KLF15: variants seen among roughly 807,000 people sequenced by gnomAD.
KLF15 encodes the protein Krueppel-like factor 15.
KLF15 carries 4 observed loss-of-function variants against 24.6 expected under a neutral mutation model. The observed-to-expected ratio is 0.16, with a 90% CI of 0.08 to 0.37. The LOEUF is 0.37. KLF15 is among the 10% of genes least tolerant of loss of function. The pLI is 1.00. For synonymous variants in KLF15, 246 were observed against 236.3 expected, an observed-to-expected ratio of 1.04 and a Z score of -0.37; for missense variants, 496 against 560.6, an observed-to-expected ratio of 0.88 and a Z score of 1.16.
chr3:126,345,855 A>AGGAGGG (rs2082531822), intron 2 of KLF15, among the ~76,000 whole-genome samples: 1 of 152,228 alleles, frequency 6.6e-6, no homozygotes, highest in South Asian at 2.1e-4. Context: ...TGGTGGTGGC[A>AGGAGGG]CCAGGCACAG....
At position 126,352,445 on chromosome 3, in the gene KLF15, G is replaced by A; in HGVS notation, c.478C>T (p.Pro160Ser). The change falls in exon 2 of 3, where the codon CCT becomes TCT. Residue 160 changes from proline (P) to serine (S), a missense_variant. Physicochemically the swap from Pro to Ser is moderately conservative, Grantham distance 74. This residue lies in a region of KLF15 where 399 missense variants were observed against 423.1 expected (regional missense o/e 0.94). Coordinates refer to ENST00000296233, the MANE Select transcript of KLF15 (RefSeq NM_014079.4). ...ENMEPGVKEVPEGNSKDLDAC... is the reference protein window; with the variant it reads ...ENMEPGVKEVSEGNSKDLDAC... ...TCCAAGTCCTTGCTGTTGCCCTCAG[G>A]GACCTCCTTGACTCCAGGCTCCATG... The A allele has an allele frequency of 1.2e-6, 2 of 1,613,590 alleles. No individual in the cohort carries two copies. Among genetic ancestry groups the A allele is most frequent in the Non-Finnish European group, 1.7e-6 (2 of 1,180,010 alleles).
the KLF15 span, among the ~76,000 whole-genome samples, chr3:126,307,775 C>G: frequency 6.6e-6 from 1 of 152,222 alleles, no homozygotes; most frequent in Admixed American, 6.5e-5. Flanking sequence ...GAGCCATCCC[C>G]TCGGCCTGGG....
Position 126,343,389 on chromosome 3 carries a change from C to G in KLF15, c.*338G>C, listed in dbSNP as rs2082498188. 1 of 307,330 alleles carries G rather than the reference C, an allele frequency of 3.3e-6. No homozygotes were observed. Among genetic ancestry groups the G allele is most frequent in the Non-Finnish European group, 6.0e-6 (1 of 167,082 alleles). The allele number at this position is 307,330 out of a possible 1,614,324, so 19.0% of individuals were successfully genotyped here. On this transcript the variant is annotated 3_prime_UTR_variant, in exon 3 of 3. Coordinates refer to ENST00000296233, the MANE Select transcript of KLF15 (RefSeq NM_014079.4). ...GGCCTTGGCCCAGGATGGGGGAGCC[C>G]AGTGGGAGAAGGGCCAGGTCCCCAA...
chr3:126,316,447 G>GAAGGGATACTATGGGCCGGAGTGGGA, the KLF15 span, among the ~76,000 whole-genome samples: 1 of 151,210 alleles, frequency 6.6e-6, no homozygotes, highest in Non-Finnish European at 1.5e-5. Flanking sequence ...CCTGAGTGGG[G>GAAGGGATACTATGGGCCGGAGTGGGA]AAGGGAGTCT....
chr3:126,343,780 T>C lies in KLF15; in HGVS notation c.1198A>G (p.Ile400Val). ...CTCCGCGGGAAGCGGTGCACCTTGA[T>C]GTGCTTGGAGAGGTGGTCGCTCCGC... ...FARSDHLSKH[I>V]KVHRFPRSSR... is the part of the protein sequence containing the mutation. Residue 400 changes from isoleucine (I) to valine (V), a missense_variant, in exon 3 of 3, where the codon ATC becomes GTC. Around this residue, in one of 3 missense-constraint regions of KLF15, gnomAD observed 38 missense variants for 31.5 expected, o/e 1.21. Coordinates refer to ENST00000296233, the MANE Select transcript of KLF15 (RefSeq NM_014079.4). 2 of 1,612,130 alleles carry C rather than the reference T, an allele frequency of 1.2e-6. No homozygotes were observed. The highest frequency in any genetic ancestry group is 1.7e-6 in the Non-Finnish European group (2 of 1,179,924).
chr3:126,294,636 C>T, the KLF15 span, among the ~76,000 whole-genome samples: 7 of 152,124 alleles, frequency 4.6e-5, no homozygotes, highest in South Asian at 4.2e-4. Flanking sequence ...GCAGGCTGAC[C>T]CTTGGTTGCA....
chr3:126,314,711 G>A, the KLF15 span, among the ~76,000 whole-genome samples: 1 of 152,220 alleles, frequency 6.6e-6, no homozygotes, highest in Non-Finnish European at 1.5e-5. Context: ...CAGAACAGAG[G>A]CGAAGTCCAG....
the KLF15 span, among the ~76,000 whole-genome samples, chr3:126,294,788 C>A: frequency 6.6e-6 from 1 of 151,798 alleles, no homozygotes. Context: ...TTTGCCCTGC[C>A]GCTAGGAAGA....
At chr3:126,324,806 C>CTTTTT in the KLF15 span, among the ~76,000 whole-genome samples, 1 of 59,580 alleles carries the variant, frequency 1.7e-5, no homozygotes, top group African/African-American at 7.2e-5. Context: ...TTTTTTCGCT[C>CTTTTT]TTTTTTTTTT....
chr3:126,289,959 G>GCAAATTTCT, the KLF15 span, among the ~76,000 whole-genome samples: 1 of 152,172 alleles, frequency 6.6e-6, no homozygotes, highest in Non-Finnish European at 1.5e-5. Context: ...GAATCCAAAT[G>GCAAATTTCT]TTGCAAAAGA....
chr3:126,326,297 C>CT, the KLF15 span, among the ~76,000 whole-genome samples: 2 of 146,264 alleles, frequency 1.4e-5, no homozygotes, highest in African/African-American at 5.1e-5. Context: ...AATGCGGGCT[C>CT]TTTTTTGGTT....
the KLF15 span, among the ~76,000 whole-genome samples, chr3:126,309,707 G>A: frequency 6.6e-6 from 1 of 152,184 alleles, no homozygotes. Flanking sequence ...GAAATGGCTG[G>A]TTCTGGGACT....
chr3:126,347,209 A>T (rs1395199083), intron 2 of KLF15, among the ~76,000 whole-genome samples: 1 of 152,118 alleles, frequency 6.6e-6, no homozygotes. Context: ...CTTCCTTGAG[A>T]CACTAACCCT....
At chr3:126,294,864 T>TACACACACAC in the KLF15 span, among the ~76,000 whole-genome samples, 14 of 141,968 alleles carry the variant, frequency 9.9e-5, no homozygotes, top group South Asian at 4.6e-4. Context: ...TGCCCCTCCA[T>TACACACACAC]ACACACACAC....
intron 2 of KLF15, among the ~76,000 whole-genome samples, chr3:126,345,256 A>C (rs2082524425): frequency 6.6e-6 from 1 of 151,676 alleles, no homozygotes; most frequent in Non-Finnish European, 1.5e-5. Flanking sequence ...TTTGATTTTA[A>C]ATTATCTTCA....
In KLF15 at chr3:126,352,197, G is replaced by A; in HGVS notation, c.726C>T (p.Ala242=). The change falls in exon 2 of 3, where the codon GCC becomes GCT. Residue 242 remains alanine, a synonymous_variant. Transcript: ENST00000296233. Reference sequence around the variant, plus strand: ...GCTGGGCAACCTTGACATTCTCTGGGGCTTGCCCAGGGGAGGCAGGCCCTG... The same window carrying A: ...GCTGGGCAACCTTGACATTCTCTGGAGCTTGCCCAGGGGAGGCAGGCCCTG... The part of the protein sequence containing the change: ...SGTGPASPGQ[A]PENVKVAQLL... 1 of 1,557,042 alleles carries A rather than the reference G, an allele frequency of 6.4e-7. No homozygotes were observed. Among genetic ancestry groups the A allele is most frequent in the Non-Finnish European group, 8.7e-7 (1 of 1,154,196 alleles).
the KLF15 span, among the ~76,000 whole-genome samples, chr3:126,318,596 A>G: frequency 6.6e-6 from 1 of 152,212 alleles, no homozygotes; most frequent in Non-Finnish European, 1.5e-5. Context: ...GGGACGATTT[A>G]AGAAAATCTT....
the KLF15 span, among the ~76,000 whole-genome samples, chr3:126,307,466 A>T: frequency 9.2e-5 from 14 of 152,170 alleles, no homozygotes; most frequent in African/African-American, 3.4e-4. Flanking sequence ...GAGAGAAATG[A>T]GCGGGATGGT....
chr3:126,337,906 G>C (rs531940879), downstream of KLF15, among the ~76,000 whole-genome samples: 1 of 152,142 alleles, frequency 6.6e-6, no homozygotes, highest in Non-Finnish European at 1.5e-5. Context: ...CTTTCAAGGC[G>C]GGAGAAGGTG....
Sources: allele counts gnomAD v4.1 joint callset (sites outside exome capture counted in the v4.1 genomes callset), GRCh38; gene constraint gnomAD v4.1.1; regional missense constraint gnomAD v4.1.1; transcripts MANE v1.5; gene names NCBI Gene and HGNC (gene_info 2026-07-23, HGNC 2026-07-21).